The following ELF2 variants were observed in gnomAD, a reference collection of about 807,000 sequenced individuals.
ELF2 encodes the protein E74 like ETS transcription factor 2, also known as ETS-related transcription factor Elf-2.
A neutral mutation model predicts 54.8 loss-of-function variants in ELF2; 11 were observed. The observed-to-expected ratio is 0.20, with a 90% confidence interval of 0.13 to 0.33. The LOEUF (loss-of-function observed/expected upper bound fraction) is 0.33, where lower values mean the gene tolerates loss of function less well. Among genes scored for constraint, ELF2 ranks in the 10% least tolerant of loss-of-function variants. The pLI is 1.00. For missense variants in ELF2, 513 were observed against 703.0 expected (o/e 0.73, Z 3.06); for synonymous variants, 203 against 245.1 (o/e 0.83, Z 1.61).
At chr4:139,146,678 A>T (rs1739254136) in intron 1 of ELF2, among the ~76,000 whole-genome samples, 1 of 152,220 alleles carries the variant, frequency 6.6e-6, no homozygotes, top group Non-Finnish European at 1.5e-5. Context: ...AAATAGACAC[A>T]TTGACCAATG....
chr4:139,063,056 G>A lies in ELF2; in HGVS notation c.614-999C>T, dbSNP rs548037306. Among the ~76,000 whole-genome samples, 44 of 152,206 alleles carry A rather than the reference G, an allele frequency of 2.9e-4. 2 individuals are homozygous for A. In the South Asian group the frequency reaches 7.9e-3, roughly 27 times the overall value. Reference sequence around the variant, plus strand: ...GCATATCACGTGAGGTCAGGAGTTCGAGACCAGCCTGGCCAACATGGTGAA... The same window carrying A: ...GCATATCACGTGAGGTCAGGAGTTCAAGACCAGCCTGGCCAACATGGTGAA... On this transcript the variant is annotated intron_variant, in intron 7 of 9. Coordinates refer to ENST00000686138, the MANE Select transcript of ELF2 (RefSeq NM_001331036.3).
Position 139,084,327 on chromosome 4 carries a change from A to T in ELF2, c.239-10760T>A. Reference sequence around the variant, plus strand: ...CACTCACGCACTCGCACACACTCCGACGCCCGGATCCTTGCGCGTCCTCCG... The same window carrying T: ...CACTCACGCACTCGCACACACTCCGTCGCCCGGATCCTTGCGCGTCCTCCG... On this transcript the variant is annotated intron_variant, in intron 4 of 9. Transcript: ENST00000686138. 4.5e-6 allele frequency: 7 copies of T among 1,555,642 alleles called. No individual in the cohort carries two copies. In the South Asian group the frequency reaches 8.1e-5, roughly 18 times the overall value.
At chr4:139,166,697 T>C (rs530823217) in intron 1 of ELF2, among the ~76,000 whole-genome samples, 5 of 152,020 alleles carry the variant, frequency 3.3e-5, no homozygotes, top group African/African-American at 1.2e-4. Context: ...TGAAACCCCA[T>C]CTCTACTAAA....
chr4:139,066,863 A>G lies in ELF2; in HGVS notation c.613+821T>C, dbSNP rs1235219808. ...CTGCATTCTAGCCCTGTCTGTAAAAATAAGTCAATAAATAAGCAAAAACAT... is the reference window on the plus strand; with the variant it reads ...CTGCATTCTAGCCCTGTCTGTAAAAGTAAGTCAATAAATAAGCAAAAACAT... On this transcript the variant is annotated intron_variant, in intron 7 of 9. Coordinates refer to ENST00000686138, the MANE Select transcript of ELF2 (RefSeq NM_001331036.3). 3 of 152,328 alleles carry G rather than the reference A, an allele frequency of 2.0e-5. No individual in the cohort carries two copies. In the East Asian group the frequency reaches 5.8e-4, roughly 29 times the overall value. The allele number at this position is 152,328 out of a possible 1,614,324, so 9.4% of individuals were successfully genotyped here. A position where few individuals can be genotyped will look rare whatever the true frequency, so the allele number is the denominator to read the frequency against.
At chr4:139,103,961 G>T (rs901511629) in intron 4 of ELF2, among the ~76,000 whole-genome samples, 1 of 152,176 alleles carries the variant, frequency 6.6e-6, no homozygotes, top group African/African-American at 2.4e-5. Flanking sequence ...TAAAACATAT[G>T]AAAAGTATTT....
At position 139,156,621 on chromosome 4, in the gene ELF2, TTTG is replaced by T. The variant is rs548285880; in HGVS notation, c.-251-17127_-251-17125del. Among the ~76,000 whole-genome samples the T allele has an allele frequency of 8.8e-3, 1,208 of 138,050 alleles. 18 individuals are homozygous for T. Among genetic ancestry groups the T allele is most frequent in the African/African-American group, 0.027 (1,024 of 37,950 alleles). 90.6% of individuals were successfully genotyped at this position (138,050 alleles called of 152,430 possible). A position where few individuals can be genotyped will look rare whatever the true frequency, so the allele number is the denominator to read the frequency against. ...AGATATATATATATATATTTGTTGT[TTTG>T]TTGTTGTTGTTGTTGTTGTTGCTGT... On this transcript the variant is annotated intron_variant, in intron 1 of 9. Transcript: ENST00000686138.
chr4:139,068,223 T>G lies in ELF2; in HGVS notation c.527-453A>C, dbSNP rs1729003661. ...TTTTAGTAGAGACGGGGTTTCACCGTATTAGCCAGATGGTCTCGATCTCCT... is the reference window on the plus strand; with the variant it reads ...TTTTAGTAGAGACGGGGTTTCACCGGATTAGCCAGATGGTCTCGATCTCCT... On this transcript the variant is annotated intron_variant, in intron 6 of 9. Transcript: ENST00000686138. 2.0e-5 allele frequency among the ~76,000 whole-genome samples: 3 copies of G among 152,152 alleles called. No individual in the cohort carries two copies. In the South Asian group the frequency reaches 6.2e-4, roughly 31 times the overall value.
At chr4:139,072,133 GA>G in intron 5 of ELF2, 94 bp from the exon 6 acceptor site, 1 of 1,261,634 alleles carries the variant, frequency 7.9e-7, no homozygotes, top group Non-Finnish European at 1.1e-6. Flanking sequence ...GGTGTGTTAA[GA>G]ATTAATCAAA....
chr4:139,144,121 A>G (rs1169566600), intron 1 of ELF2, among the ~76,000 whole-genome samples: 2 of 152,080 alleles, frequency 1.3e-5, no homozygotes, highest in African/African-American at 4.8e-5. Flanking sequence ...CTTTGAAAGA[A>G]GGGGCAGGCT....
intron 3 of ELF2, among the ~76,000 whole-genome samples, chr4:139,125,757 C>G (rs1451826233): frequency 1.6e-5 from 2 of 124,052 alleles, no homozygotes; most frequent in African/African-American, 6.2e-5. Flanking sequence ...GCAGACCCAG[C>G]AAAGCCAAAT....
At chr4:139,149,128 A>G (rs1349329001) in intron 1 of ELF2, among the ~76,000 whole-genome samples, 1 of 152,246 alleles carries the variant, frequency 6.6e-6, no homozygotes. Context: ...CGGTAAGAAA[A>G]GCAAATAAAC....
At chr4:139,099,053 A>G (rs2148780574) in intron 4 of ELF2, among the ~76,000 whole-genome samples, 1 of 152,310 alleles carries the variant, frequency 6.6e-6, no homozygotes, top group South Asian at 2.1e-4. Context: ...TACGTCTTCT[A>G]TGTTCTGGAT....
chr4:139,150,881 C>T (rs1277891879), intron 1 of ELF2, among the ~76,000 whole-genome samples: 1 of 151,400 alleles, frequency 6.6e-6, no homozygotes, highest in Non-Finnish European at 1.5e-5. Flanking sequence ...AAAAATTAGC[C>T]GGGCTTGGTG....
rs565883798 is a variant in ELF2, at chr4:139,112,890, G to A, written c.238+12274C>T. On this transcript the variant is annotated intron_variant, in intron 4 of 9. Transcript: ENST00000686138. ...AGCCTGAGTGACGGAACAAGACTCC[G>A]TATCAAAAAAGATAAATAAAAAAAA... 2.0e-4 allele frequency among the ~76,000 whole-genome samples: 31 copies of A among 151,698 alleles called. 1 individual carries two copies. Among genetic ancestry groups the A allele is most frequent in the African/African-American group, 5.8e-4 (24 of 41,360 alleles).
Position 139,059,366 on chromosome 4 carries a change from G to A in ELF2, c.1399C>T (p.Leu467Phe), listed in dbSNP as rs1560745433. 6.2e-7 allele frequency: 1 copy of A among 1,613,990 alleles called. No homozygotes were observed. The change falls in exon 10 of 10, where the codon CTT (leucine) becomes TTT (phenylalanine). Residue 467 changes from leucine to phenylalanine, a missense_variant. Leu to Phe is a conservative substitution (Grantham distance 22). Around this residue, in one of 3 missense-constraint regions of ELF2, gnomAD observed 291 missense variants for 366.1 expected, o/e 0.79. Transcript: ENST00000686138. ...AKIITIPATQ[L>F]AQCQLQTKSN... Reference sequence around the variant, plus strand: ...TTTGTCTGCAGTTGACACTGTGCAAGCTGTGTAGCTGGGATGGTAATAATT... The same window carrying A: ...TTTGTCTGCAGTTGACACTGTGCAAACTGTGTAGCTGGGATGGTAATAATT...
chr4:139,060,954 C>T (rs1483290633), intron 8 of ELF2, among the ~76,000 whole-genome samples: 1 of 152,172 alleles, frequency 6.6e-6, no homozygotes, highest in Non-Finnish European at 1.5e-5. Context: ...TTTACCTTAC[C>T]GTTGACTATT....
At chr4:139,077,572 C>G (rs1438503121) in intron 4 of ELF2, among the ~76,000 whole-genome samples, 3 of 152,018 alleles carry the variant, frequency 2.0e-5, no homozygotes, top group African/African-American at 7.2e-5. Context: ...AAAGTGAGCA[C>G]TATCTTTTTA....
chr4:139,133,230 A>G (rs1464864458), intron 3 of ELF2, among the ~76,000 whole-genome samples: 1 of 152,126 alleles, frequency 6.6e-6, no homozygotes, highest in Non-Finnish European at 1.5e-5. Flanking sequence ...CTACATTCTT[A>G]TAAGCAATAA....
At chr4:139,081,032 A>G (rs1013734370) in intron 4 of ELF2, among the ~76,000 whole-genome samples, 5 of 151,976 alleles carry the variant, frequency 3.3e-5, no homozygotes, top group African/African-American at 7.2e-5. Flanking sequence ...GTCATTAGCA[A>G]TCATCTAGTC....
Sources: allele counts gnomAD v4.1 joint callset (sites outside exome capture counted in the v4.1 genomes callset), GRCh38; gene constraint gnomAD v4.1.1; regional missense constraint gnomAD v4.1.1; transcripts MANE v1.5; gene names NCBI Gene and HGNC (gene_info 2026-07-23, HGNC 2026-07-21).